KCTD16: variants seen among roughly 807,000 people sequenced by gnomAD.
KCTD16 encodes the protein potassium channel tetramerization domain containing 16.
In KCTD16, 13 loss-of-function variants were observed where a neutral mutation model predicts 33.2. The observed-to-expected ratio is 0.39, with a 90% CI of 0.25 to 0.62. The LOEUF is 0.62. KCTD16 is among the 20% of genes least tolerant of loss of function. The pLI is 0.50. For missense variants in KCTD16, 441 were observed against 525.1 expected (o/e 0.84, Z 1.57); for synonymous variants, 197 against 195.3 (o/e 1.01, Z -0.07).
At position 144,366,818 on chromosome 5, in the gene KCTD16, CAGAT is replaced by C. The variant is rs140425845; in HGVS notation, c.833-106841_833-106838del. Among the ~76,000 whole-genome samples, 519 of 152,298 alleles carry C rather than the reference CAGAT, an allele frequency of 3.4e-3. 4 individuals are homozygous for C. The highest frequency in any genetic ancestry group is 6.2e-3 in the Non-Finnish European group (423 of 68,030). ...AAGTCGGTGGCATGATAGGGCCACT[CAGAT>C]GGATGATGCCGATCAGATCCAATCA... On this transcript the variant is annotated intron_variant, in intron 3 of 3. Coordinates refer to ENST00000512467, the MANE Select transcript of KCTD16 (RefSeq NM_020768.4).
chr5:144,268,473 G>A (rs1209983662), intron 3 of KCTD16, among the ~76,000 whole-genome samples: 1 of 152,138 alleles, frequency 6.6e-6, no homozygotes, highest in African/African-American at 2.4e-5. Flanking sequence ...TACAGGGAAA[G>A]TTAGAAAGTA....
chr5:144,265,807 G>T (rs1040328422), intron 3 of KCTD16, among the ~76,000 whole-genome samples: 1 of 152,110 alleles, frequency 6.6e-6, no homozygotes, highest in Non-Finnish European at 1.5e-5. Flanking sequence ...ATTACTATTT[G>T]TATTGTCTCA....
intron 3 of KCTD16, among the ~76,000 whole-genome samples, chr5:144,293,930 C>A (rs1755964754): frequency 6.6e-6 from 1 of 152,148 alleles, no homozygotes; most frequent in South Asian, 2.1e-4. Context: ...GAGGCCAAGG[C>A]AGGTGGATCA....
rs1326661644 is a variant in KCTD16, at chr5:144,392,045, A to ATTATAACTG, written c.833-81613_833-81605dup. 4.6e-5 allele frequency among the ~76,000 whole-genome samples: 7 copies of ATTATAACTG among 152,362 alleles called. No homozygotes were observed. The East Asian group carries it at 1.3e-3, about 29-fold the overall frequency. On this transcript the variant is annotated intron_variant, in intron 3 of 3. Coordinates refer to ENST00000512467, the MANE Select transcript of KCTD16 (RefSeq NM_020768.4). ...ATTAGGTAAGCCTAATGACTATATA[A>ATTATAACTG]TTATAACTGTAAAATTAAACGTATG... is the stretch of plus-strand genomic sequence containing the variant.
Position 144,260,071 on chromosome 5 carries a change from A to G in KCTD16, c.832+52525A>G, listed in dbSNP as rs1379877761. On this transcript the variant is annotated intron_variant, in intron 3 of 3. Coordinates refer to ENST00000512467, the MANE Select transcript of KCTD16 (RefSeq NM_020768.4). ...GGCATCTCTTAGGATAGTTAGCTCA[A>G]AAGCTAAGCAAACTTTGGCATAAAA... 2.6e-5 allele frequency among the ~76,000 whole-genome samples: 4 copies of G among 152,256 alleles called. No homozygotes were observed. The South Asian group carries it at 6.2e-4, about 24-fold the overall frequency.
chr5:144,470,274 G>A (rs778760009), intron 3 of KCTD16, among the ~76,000 whole-genome samples: 15 of 152,166 alleles, frequency 9.9e-5, no homozygotes, highest in Non-Finnish European at 1.9e-4. Flanking sequence ...GGGGTCTGGA[G>A]CTTACATGTG....
chr5:144,246,460 T>C (rs1040785831), intron 3 of KCTD16, among the ~76,000 whole-genome samples: 2 of 152,330 alleles, frequency 1.3e-5, no homozygotes, highest in East Asian at 3.9e-4. Flanking sequence ...CAATAGAATA[T>C]CTTGTTTCAT....
chr5:144,227,790 T>C (rs1239980699), intron 3 of KCTD16, among the ~76,000 whole-genome samples: 1 of 152,174 alleles, frequency 6.6e-6, no homozygotes, highest in East Asian at 1.9e-4. Flanking sequence ...TTTCTGAATA[T>C]ATTTTGAAGG....
intron 3 of KCTD16, among the ~76,000 whole-genome samples, chr5:144,467,445 G>A (rs1489492726): frequency 6.6e-6 from 1 of 152,062 alleles, no homozygotes; most frequent in Non-Finnish European, 1.5e-5. Context: ...GCTGATCTGT[G>A]TGTGCCCTGG....
chr5:144,451,797 G>A (rs1414277720), intron 3 of KCTD16, among the ~76,000 whole-genome samples: 1 of 152,070 alleles, frequency 6.6e-6, no homozygotes, highest in Non-Finnish European at 1.5e-5. Context: ...AGGCAATTTG[G>A]AACTGGGGTT....
intron 3 of KCTD16, among the ~76,000 whole-genome samples, chr5:144,457,498 G>A (rs1754094883): frequency 6.6e-6 from 1 of 152,170 alleles, no homozygotes; most frequent in Non-Finnish European, 1.5e-5. Flanking sequence ...ATTTTAGGCA[G>A]AAAGGACAGT....
chr5:144,226,452 G>C (rs954238992), intron 3 of KCTD16, among the ~76,000 whole-genome samples: 10 of 152,120 alleles, frequency 6.6e-5, no homozygotes, highest in African/African-American at 2.2e-4. Context: ...AAAAGATTTA[G>C]AACAATCTGT....
At chr5:144,233,018 A>G (rs1561537786) in intron 3 of KCTD16, among the ~76,000 whole-genome samples, 1 of 152,210 alleles carries the variant, frequency 6.6e-6, no homozygotes, top group East Asian at 1.9e-4. Flanking sequence ...CTATTGATTC[A>G]TCAGTAGACC....
chr5:144,403,840 A>G lies in KCTD16; in HGVS notation c.833-69820A>G, dbSNP rs572829505. Among the ~76,000 whole-genome samples, 7 of 152,304 alleles carry G rather than the reference A, an allele frequency of 4.6e-5. No homozygotes were observed. The East Asian group carries it at 1.2e-3, about 25-fold the overall frequency. On this transcript the variant is annotated intron_variant, in intron 3 of 3. Coordinates refer to ENST00000512467, the MANE Select transcript of KCTD16 (RefSeq NM_020768.4). ...GCTCTCTGGTAAGTAGTAACAAAGC[A>G]TAAGCTATCATTCTGGAAGTAACAG...
chr5:144,472,304 T>G (rs1374479403), intron 3 of KCTD16, among the ~76,000 whole-genome samples: 1 of 152,210 alleles, frequency 6.6e-6, no homozygotes, highest in Non-Finnish European at 1.5e-5. Context: ...AGTTTATGAC[T>G]CCAGGAAGAC....
In KCTD16 at chr5:144,301,424, G is replaced by A. The variant is rs937640766; in HGVS notation, c.832+93878G>A. Among the ~76,000 whole-genome samples the A allele has an allele frequency of 5.9e-5, 9 of 152,118 alleles. No individual in the cohort carries two copies. The East Asian group carries it at 1.7e-3, about 29-fold the overall frequency. On this transcript the variant is annotated intron_variant, in intron 3 of 3. Transcript: ENST00000512467. ...TGTAGGCTATATAAGTAGGTAAGAA[G>A]AGAGATGGTGAATTCTTAAATAAGA...
At chr5:144,288,768 G>A (rs1459356040) in intron 3 of KCTD16, among the ~76,000 whole-genome samples, 2 of 152,080 alleles carry the variant, frequency 1.3e-5, no homozygotes, top group African/African-American at 2.4e-5. Flanking sequence ...TCAGGAGTTC[G>A]AGACTGGCCT....
At chr5:144,343,564 T>C (rs1263173233) in intron 3 of KCTD16, among the ~76,000 whole-genome samples, 1 of 151,902 alleles carries the variant, frequency 6.6e-6, no homozygotes, top group Non-Finnish European at 1.5e-5. Flanking sequence ...AAGGGTTTTT[T>C]GTGTCTCTAT....
At chr5:144,238,488 A>G (rs577965953) in intron 3 of KCTD16, among the ~76,000 whole-genome samples, 115 of 152,152 alleles carry the variant, frequency 7.6e-4, no homozygotes, top group African/African-American at 2.7e-3. Context: ...TCCTTGGTGG[A>G]AGTGAGAGTT....
Sources: allele counts gnomAD v4.1 joint callset (sites outside exome capture counted in the v4.1 genomes callset), GRCh38; gene constraint gnomAD v4.1.1; transcripts MANE v1.5; gene names NCBI Gene and HGNC (gene_info 2026-07-23, HGNC 2026-07-21).